DNAJC1: variants seen among roughly 807,000 people sequenced by gnomAD.
DNAJC1 encodes the protein DnaJ heat shock protein family (Hsp40) member C1, also known as dnaJ homolog subfamily C member 1.
DNAJC1 carries 58 observed loss-of-function variants against 76.6 expected under a neutral mutation model. The ratio of observed to expected loss-of-function variants is 0.76; its 90% CI spans 0.61 to 0.94. The LOEUF (loss-of-function observed/expected upper bound fraction) is 0.94, where lower values mean the gene tolerates loss of function less well. DNAJC1 is among the 40% of genes least tolerant of loss of function. DNAJC1 has a pLI of 0.00. For missense variants in DNAJC1, 689 were observed against 677.3 expected, an observed-to-expected ratio of 1.02 and a Z score of -0.19; for synonymous variants, 258 against 267.9, an observed-to-expected ratio of 0.96 and a Z score of 0.36.
intron 9 of DNAJC1, among the ~76,000 whole-genome samples, chr10:21,789,064 T>C (rs1030066729): frequency 6.6e-6 from 1 of 152,014 alleles, no homozygotes; most frequent in Non-Finnish European, 1.5e-5. Context: ...ACCTGGAATT[T>C]AGCCACTGTG....
chr10:21,812,011 G>C (rs550823506), intron 8 of DNAJC1, among the ~76,000 whole-genome samples: 4 of 151,668 alleles, frequency 2.6e-5, no homozygotes, highest in African/African-American at 9.7e-5. Flanking sequence ...TGGTGGGACT[G>C]AAATATATCT....
intron 9 of DNAJC1, among the ~76,000 whole-genome samples, chr10:21,768,311 T>C (rs1564781823): frequency 6.6e-6 from 1 of 152,232 alleles, no homozygotes; most frequent in Non-Finnish European, 1.5e-5. Context: ...CAACACTTCA[T>C]GGCTTTAATG....
At chr10:21,820,548 C>A (rs576278773) in intron 8 of DNAJC1, among the ~76,000 whole-genome samples, 1 of 152,268 alleles carries the variant, frequency 6.6e-6, no homozygotes, top group East Asian at 1.9e-4. Context: ...TAACAGCAAG[C>A]AAGCAATCAA....
rs117807451 is a variant in DNAJC1, at chr10:21,985,860, A to G, written c.222+17353T>C. 3.2e-4 allele frequency among the ~76,000 whole-genome samples: 48 copies of G among 152,284 alleles called. No homozygotes were observed. In the East Asian group the frequency reaches 8.7e-3, roughly 28 times the overall value. On this transcript the variant is annotated intron_variant, in intron 1 of 11. Transcript: ENST00000376980. ...CATGTACAAGTCTTTGTGTGGACAA[A>G]TATTTTCACTTCTCTTCTGTGGATA...
At chr10:21,794,005 T>C (rs907308385) in intron 9 of DNAJC1, among the ~76,000 whole-genome samples, 1 of 152,026 alleles carries the variant, frequency 6.6e-6, no homozygotes, top group Non-Finnish European at 1.5e-5. Context: ...CAGGGCAAGG[T>C]GGCTCACGCC....
At chr10:21,885,966 G>A (rs961387605) in intron 7 of DNAJC1, among the ~76,000 whole-genome samples, 1 of 151,934 alleles carries the variant, frequency 6.6e-6, no homozygotes, top group Non-Finnish European at 1.5e-5. Flanking sequence ...GATAGCAGGA[G>A]ACAAAACATA....
intron 8 of DNAJC1, among the ~76,000 whole-genome samples, chr10:21,845,383 C>CTT (rs375208657): frequency 1.0e-4 from 15 of 145,654 alleles, no homozygotes; most frequent in African/African-American, 3.8e-4. Flanking sequence ...GAGACTGGGT[C>CTT]TTGTTCTGTT....
intron 8 of DNAJC1, among the ~76,000 whole-genome samples, chr10:21,808,898 T>C (rs1834922760): frequency 6.6e-6 from 1 of 152,212 alleles, no homozygotes; most frequent in African/African-American, 2.4e-5. Flanking sequence ...AGCACTCCAA[T>C]TTTGCATCAG....
At chr10:21,826,202 C>T (rs1011166997) in intron 8 of DNAJC1, among the ~76,000 whole-genome samples, 6 of 119,194 alleles carry the variant, frequency 5.0e-5, no homozygotes, top group African/African-American at 2.1e-4. Flanking sequence ...CGTGCCATTG[C>T]ACTCCAGCCT....
At position 21,929,033 on chromosome 10, in the gene DNAJC1, C is replaced by T; in HGVS notation, c.324+7G>A. 6.4e-7 allele frequency: 1 copy of T among 1,556,666 alleles called. No individual in the cohort carries two copies. Among genetic ancestry groups the T allele is most frequent in the Non-Finnish European group, 8.8e-7 (1 of 1,135,850 alleles). ...AAAATATATATATAATAGCATATTT[C>T]ACTTACTTGTCTAAACTGAGTTTCT... On this transcript the variant is annotated splice_region_variant and intron_variant, in intron 2 of 11. Coordinates refer to ENST00000376980, the MANE Select transcript of DNAJC1 (RefSeq NM_022365.4).
chr10:21,815,254 C>G (rs748990304), intron 8 of DNAJC1, among the ~76,000 whole-genome samples: 1 of 152,212 alleles, frequency 6.6e-6, no homozygotes, highest in Non-Finnish European at 1.5e-5. Flanking sequence ...ACTATTTGAA[C>G]TGATCCATGA....
At chr10:21,770,018 C>T (rs138914345) in intron 9 of DNAJC1, among the ~76,000 whole-genome samples, 2 of 152,290 alleles carry the variant, frequency 1.3e-5, no homozygotes, top group African/African-American at 4.8e-5. Context: ...AAAACAACTT[C>T]TCTGCTTTTC....
At chr10:21,817,704 C>A (rs1048861231) in intron 8 of DNAJC1, among the ~76,000 whole-genome samples, 3 of 152,114 alleles carry the variant, frequency 2.0e-5, no homozygotes, top group Admixed American at 1.3e-4. Flanking sequence ...ACTGGCTGAA[C>A]CCATGGCAGA....
chr10:21,885,162 A>G (rs1836349700), intron 7 of DNAJC1, among the ~76,000 whole-genome samples: 1 of 152,152 alleles, frequency 6.6e-6, no homozygotes, highest in African/African-American at 2.4e-5. Context: ...AAATAAAGAA[A>G]TGAAGGGAAA....
At chr10:21,757,530 C>T (rs1675843098) in intron 11 of DNAJC1, among the ~76,000 whole-genome samples, 2 of 152,216 alleles carry the variant, frequency 1.3e-5, no homozygotes, top group Non-Finnish European at 2.9e-5. Context: ...GATGTTTACT[C>T]TCCTAGGATT....
At chr10:21,796,406 A>C (rs1395903513) in intron 9 of DNAJC1, among the ~76,000 whole-genome samples, 3 of 152,196 alleles carry the variant, frequency 2.0e-5, no homozygotes, top group African/African-American at 4.8e-5. Flanking sequence ...TGAACGGGGA[A>C]GTGCAGATAC....
intron 10 of DNAJC1, among the ~76,000 whole-genome samples, chr10:21,762,790 G>A (rs1053100399): frequency 6.6e-6 from 1 of 152,116 alleles, no homozygotes; most frequent in Non-Finnish European, 1.5e-5. Context: ...TTTAACAAAT[G>A]AGTTCACTTT....
At chr10:21,874,098 T>G (rs980249959) in intron 8 of DNAJC1, among the ~76,000 whole-genome samples, 3 of 152,158 alleles carry the variant, frequency 2.0e-5, no homozygotes, top group Admixed American at 6.5e-5. Context: ...ATGTGACATA[T>G]TCATACAATA....
At chr10:21,840,836 T>C (rs1444518840) in intron 8 of DNAJC1, among the ~76,000 whole-genome samples, 1 of 152,144 alleles carries the variant, frequency 6.6e-6, no homozygotes, top group Non-Finnish European at 1.5e-5. Context: ...GGCATCACAC[T>C]ACCTGACTTC....
Sources: allele counts gnomAD v4.1 joint callset (sites outside exome capture counted in the v4.1 genomes callset), GRCh38; gene constraint gnomAD v4.1.1; transcripts MANE v1.5; gene names NCBI Gene and HGNC (gene_info 2026-07-23, HGNC 2026-07-21).